CDK14: variants seen among roughly 807,000 people sequenced by gnomAD.
The protein encoded by CDK14 is cyclin-dependent kinase 14.
A neutral mutation model predicts 60.7 loss-of-function variants in CDK14; 34 were observed. The observed-to-expected ratio is 0.56, with a 90% CI of 0.43 to 0.75. CDK14 has a LOEUF of 0.75. Among genes scored for constraint, CDK14 ranks in the 30% least tolerant of loss-of-function variants. The pLI is 0.00. For missense variants in CDK14, 482 were observed against 564.1 expected (o/e 0.85, Z 1.47); for synonymous variants, 197 against 203.7 (o/e 0.97, Z 0.28).
chr7:90,776,097 G>A (rs1004461946), intron 4 of CDK14, among the ~76,000 whole-genome samples: 4 of 152,122 alleles, frequency 2.6e-5, no homozygotes, highest in African/African-American at 9.7e-5. Flanking sequence ...AATTTCAAGA[G>A]TATGTGTAAA....
chr7:90,799,602 A>G (rs1009486622), intron 5 of CDK14, among the ~76,000 whole-genome samples: 2 of 150,934 alleles, frequency 1.3e-5, no homozygotes, highest in African/African-American at 4.9e-5. Context: ...AGGCAGGAAA[A>G]TCACTTGAAC....
intron 8 of CDK14, among the ~76,000 whole-genome samples, chr7:90,948,956 T>G (rs1794176722): frequency 6.6e-6 from 1 of 152,234 alleles, no homozygotes; most frequent in Non-Finnish European, 1.5e-5. Flanking sequence ...CAAAGAATTC[T>G]AACTAGTTGG....
intron 14 of CDK14, among the ~76,000 whole-genome samples, chr7:91,189,210 A>G (rs1158156741): frequency 6.6e-6 from 1 of 152,200 alleles, no homozygotes; most frequent in African/African-American, 2.4e-5. Context: ...AAAGCATTAA[A>G]TAATGCTCAT....
intron 2 of CDK14, among the ~76,000 whole-genome samples, chr7:90,711,296 G>C (rs1802050711): frequency 6.6e-6 from 1 of 151,972 alleles, no homozygotes. Flanking sequence ...TGTTGAGGTT[G>C]GACATTGATT....
chr7:91,196,671 T>C (rs929782210), intron 14 of CDK14, among the ~76,000 whole-genome samples: 4 of 152,230 alleles, frequency 2.6e-5, no homozygotes, highest in Admixed American at 2.6e-4. Context: ...AACAAGTTGA[T>C]GGTCTTAAGT....
intron 2 of CDK14, among the ~76,000 whole-genome samples, chr7:90,686,788 A>G (rs956730870): frequency 3.9e-5 from 6 of 152,170 alleles, no homozygotes; most frequent in African/African-American, 1.4e-4. Flanking sequence ...ATCCTGAGAT[A>G]AAGATTTGTT....
intron 5 of CDK14, among the ~76,000 whole-genome samples, chr7:90,836,422 T>C (rs989081821): frequency 2.6e-5 from 4 of 152,116 alleles, no homozygotes; most frequent in African/African-American, 7.2e-5. Flanking sequence ...TAGCCTTGGA[T>C]TCATGGGGTC....
At chr7:91,014,059 A>C (rs1023409562) in intron 10 of CDK14, among the ~76,000 whole-genome samples, 5 of 152,044 alleles carry the variant, frequency 3.3e-5, no homozygotes, top group African/African-American at 9.7e-5. Context: ...ACCTTGAAAT[A>C]TCACACTAGA....
intron 11 of CDK14, among the ~76,000 whole-genome samples, chr7:91,048,407 A>T (rs1797299747): frequency 6.6e-6 from 1 of 152,148 alleles, no homozygotes; most frequent in Admixed American, 6.6e-5. Context: ...CTAATTAGGG[A>T]CAGTTGGGTT....
At chr7:90,803,665 A>T (rs180986960) in intron 5 of CDK14, among the ~76,000 whole-genome samples, 32 of 152,334 alleles carry the variant, frequency 2.1e-4, no homozygotes, top group Non-Finnish European at 3.8e-4. Flanking sequence ...CAGTTGTGTG[A>T]CATGGTGGTG....
At chr7:90,736,002 T>A (rs975151460) in intron 3 of CDK14, among the ~76,000 whole-genome samples, 1 of 152,134 alleles carries the variant, frequency 6.6e-6, no homozygotes, top group Admixed American at 6.5e-5. Flanking sequence ...AACACTGTGG[T>A]AAAAGCACAG....
chr7:90,917,829 C>A, intron 8 of CDK14, 105 bp downstream of exon 8: 6 of 1,139,170 alleles, frequency 5.3e-6, no homozygotes, highest in Non-Finnish European at 7.3e-6. Context: ...CATCATAGAT[C>A]CTGGTAATTT....
intron 12 of CDK14, among the ~76,000 whole-genome samples, chr7:91,089,570 GAAA>G (rs60356035): frequency 2.9e-5 from 4 of 139,670 alleles, no homozygotes; most frequent in Admixed American, 7.1e-5. Flanking sequence ...GCTCTGAGGG[GAAA>G]AAAAAAAAAA....
At position 91,059,278 on chromosome 7, in the gene CDK14, A is replaced by G. The variant is rs571990730; in HGVS notation, c.1105+13318A>G. On this transcript the variant is annotated intron_variant, in intron 11 of 14. Transcript: ENST00000380050. ...CCCTTTAACATTTTTTATTGCATCT[A>G]TTTGATTCTTCTCTCTTTTCTTCTT... 2.7e-5 allele frequency among the ~76,000 whole-genome samples: 4 copies of G among 150,400 alleles called. No homozygotes were observed. In the East Asian group the frequency reaches 7.8e-4, roughly 29 times the overall value.
At chr7:90,633,895 T>TG (rs1800065812) in intron 2 of CDK14, among the ~76,000 whole-genome samples, 1 of 152,222 alleles carries the variant, frequency 6.6e-6, no homozygotes, top group Non-Finnish European at 1.5e-5. Flanking sequence ...TAAACTTTGT[T>TG]GGAGACTTTA....
chr7:90,718,741 A>T (rs964578824), intron 2 of CDK14, among the ~76,000 whole-genome samples: 3 of 152,150 alleles, frequency 2.0e-5, no homozygotes, highest in African/African-American at 7.2e-5. Context: ...ATACACACGC[A>T]TACTATTAGG....
At chr7:90,810,905 AC>A (rs1397530133) in intron 5 of CDK14, among the ~76,000 whole-genome samples, 5 of 152,124 alleles carry the variant, frequency 3.3e-5, no homozygotes, top group African/African-American at 1.2e-4. Flanking sequence ...AATCCAACTT[AC>A]AAGGGACGTG....
rs115460486 is a variant in CDK14 at position 90,784,131 on chromosome 7, G to A, written c.465-6442G>A. ...ATTAGATATTGTCACTTGCAACATG[G>A]GTGGAACGGGAGGACATTAACTTCG... On this transcript the variant is annotated intron_variant, in intron 4 of 14. Coordinates refer to ENST00000380050, the MANE Select transcript of CDK14 (RefSeq NM_001287135.2). Among the ~76,000 whole-genome samples, 797 of 152,212 alleles carry A rather than the reference G, an allele frequency of 5.2e-3. 4 individuals carry two copies. Among genetic ancestry groups the A allele is most frequent in the African/African-American group, 0.017 (704 of 41,534 alleles).
At chr7:90,868,443 A>G (rs1002734208) in intron 6 of CDK14, among the ~76,000 whole-genome samples, 1 of 152,018 alleles carries the variant, frequency 6.6e-6, no homozygotes, top group African/African-American at 2.4e-5. Context: ...TACATTAAGT[A>G]TATACAGTCA....
Sources: allele counts gnomAD v4.1 joint callset (sites outside exome capture counted in the v4.1 genomes callset), GRCh38; gene constraint gnomAD v4.1.1; transcripts MANE v1.5; gene names NCBI Gene and HGNC (gene_info 2026-07-23, HGNC 2026-07-21).